The following KCNH8 variants were observed in gnomAD, a reference collection of about 807,000 sequenced individuals.
The protein encoded by KCNH8 is voltage-gated delayed rectifier potassium channel KCNH8.
In KCNH8, 70 loss-of-function variants were observed where a neutral mutation model predicts 103.6. The observed-to-expected ratio is 0.68, with a 90% CI of 0.56 to 0.82. The LOEUF (loss-of-function observed/expected upper bound fraction) is 0.82, where lower values mean the gene tolerates loss of function less well. Among genes scored for constraint, KCNH8 ranks in the 40% least tolerant of loss-of-function variants. The probability of loss-of-function intolerance (pLI) is 0.00; values close to 1 mark genes in which losing one functional copy is unlikely to be tolerated. For synonymous variants in KCNH8, 498 were observed against 489.4 expected (o/e 1.02, Z -0.23); for missense variants, 1,217 against 1,329.9 (o/e 0.92, Z 1.32).
In KCNH8 at chr3:19,347,950, A is replaced by T. The variant is rs760291489; in HGVS notation, c.796A>T (p.Ile266Phe). 3.7e-6 allele frequency: 6 copies of T among 1,612,664 alleles called. No homozygotes were observed. The highest frequency in any genetic ancestry group is 2.5e-6 in the Non-Finnish European group (3 of 1,179,212). Residue 266 changes from isoleucine (I) to phenylalanine (F), a missense_variant, in exon 5 of 16, where the codon ATT becomes TTT. Transcript: ENST00000328405. The stretch of plus-strand genomic sequence containing the variant: ...AACCGTCAGTGACATTGCAGTGGAG[A>T]TTCTTTTTATTATAGGTAAGAACAA... ...STTVSDIAVEILFIIDIILNF... is the reference protein window; with the variant it reads ...STTVSDIAVEFLFIIDIILNF...
At chr3:19,194,393 G>A (rs111311996) in intron 1 of KCNH8, among the ~76,000 whole-genome samples, 3,685 of 151,748 alleles carry the variant, frequency 0.024, 142 homozygotes, top group African/African-American at 0.083. Flanking sequence ...ATCACAAGTT[G>A]TATGAATTAT....
At chr3:19,523,960 G>A (rs2069017299) in intron 15 of KCNH8, among the ~76,000 whole-genome samples, 1 of 151,838 alleles carries the variant, frequency 6.6e-6, no homozygotes, top group East Asian at 1.9e-4. Context: ...ACTTGACAAA[G>A]CTAATAGATT....
chr3:19,186,846 A>G (rs2063507187), intron 1 of KCNH8, among the ~76,000 whole-genome samples: 1 of 151,976 alleles, frequency 6.6e-6, no homozygotes, highest in Non-Finnish European at 1.5e-5. Flanking sequence ...TTTTCAATGG[A>G]GACACCCAGT....
At chr3:19,380,212 A>G (rs1469585772) in intron 5 of KCNH8, among the ~76,000 whole-genome samples, 3 of 152,214 alleles carry the variant, frequency 2.0e-5, no homozygotes, top group Non-Finnish European at 4.4e-5. Flanking sequence ...ATTATATAGA[A>G]TAAGAGGATA....
rs536719186 is a variant in KCNH8 at position 19,361,670 on chromosome 3, TAAAC to T, written c.811+13709_811+13712del. Among the ~76,000 whole-genome samples the T allele has an allele frequency of 2.5e-3, 388 of 152,234 alleles. 3 individuals are homozygous for T. Among genetic ancestry groups the T allele is most frequent in the African/African-American group, 8.7e-3 (361 of 41,562 alleles). On this transcript the variant is annotated intron_variant, in intron 5 of 15. Transcript: ENST00000328405. ...ACATATTTGCAAATGGAGTAAAAAT[TAAAC>T]AAATGAGCAGAATTCCCATTGGTGC... is the stretch of plus-strand genomic sequence containing the variant.
At chr3:19,256,518 C>T (rs1419714306) in intron 2 of KCNH8, among the ~76,000 whole-genome samples, 4 of 152,182 alleles carry the variant, frequency 2.6e-5, no homozygotes, top group South Asian at 4.1e-4. Context: ...TCCGGTGGAA[C>T]GAAGGGGAAA....
intron 2 of KCNH8, among the ~76,000 whole-genome samples, chr3:19,278,019 G>A (rs2064699513): frequency 6.6e-6 from 1 of 152,100 alleles, no homozygotes; most frequent in African/African-American, 2.4e-5. Flanking sequence ...GTTGCACTGG[G>A]CCTGAATTGC....
At chr3:19,249,443 A>G (rs1436301313) in intron 1 of KCNH8, among the ~76,000 whole-genome samples, 1 of 152,218 alleles carries the variant, frequency 6.6e-6, no homozygotes, top group Admixed American at 6.5e-5. Context: ...AGAAAAGACC[A>G]AATACGTGCC....
chr3:19,465,580 T>C (rs1047287730), intron 11 of KCNH8, among the ~76,000 whole-genome samples: 1 of 152,058 alleles, frequency 6.6e-6, no homozygotes, highest in Non-Finnish European at 1.5e-5. Flanking sequence ...AGTCTTATTA[T>C]TGAAGAAATA....
intron 11 of KCNH8, among the ~76,000 whole-genome samples, chr3:19,486,990 C>T (rs1006085722): frequency 4.6e-5 from 7 of 152,176 alleles, no homozygotes; most frequent in African/African-American, 1.7e-4. Flanking sequence ...TGAAGTAGGA[C>T]ATCCGTACTT....
chr3:19,409,342 T>G (rs1361916996), intron 7 of KCNH8, among the ~76,000 whole-genome samples: 5 of 152,082 alleles, frequency 3.3e-5, no homozygotes, highest in African/African-American at 1.2e-4. Context: ...CCACTACACC[T>G]GCCTTACAAG....
At position 19,513,355 on chromosome 3, in the gene KCNH8, C is replaced by T. The variant is rs572710637; in HGVS notation, c.2435+30C>T. The stretch of plus-strand genomic sequence containing the variant: ...GAGTTCATATCATATAACTTTCTCA[C>T]GTGAACGTGGCTGCCTTTTATACAG... On this transcript the variant is annotated intron_variant, in intron 13 of 15. Transcript: ENST00000328405. The T allele has an allele frequency of 1.2e-4, 182 of 1,548,230 alleles. 3 individuals are homozygous for T. In the South Asian group the frequency reaches 2.2e-3, roughly 19 times the overall value.
intron 1 of KCNH8, among the ~76,000 whole-genome samples, chr3:19,237,789 G>A (rs116642554): frequency 0.026 from 3,892 of 152,200 alleles, 168 homozygotes; most frequent in African/African-American, 0.087. Context: ...TATATGCAGG[G>A]CACACATGTG....
intron 7 of KCNH8, among the ~76,000 whole-genome samples, chr3:19,405,250 A>G (rs1203535381): frequency 6.6e-6 from 1 of 151,852 alleles, no homozygotes; most frequent in Non-Finnish European, 1.5e-5. Context: ...TTTAAGTATT[A>G]TGCATTTTTG....
At chr3:19,272,493 G>A (rs1269387512) in intron 2 of KCNH8, among the ~76,000 whole-genome samples, 2 of 151,930 alleles carry the variant, frequency 1.3e-5, no homozygotes, top group Non-Finnish European at 2.9e-5. Flanking sequence ...AGTGAGGCAG[G>A]GTTGCTAAGA....
intron 3 of KCNH8, among the ~76,000 whole-genome samples, chr3:19,286,584 T>G (rs142721616): frequency 6.6e-6 from 1 of 152,220 alleles, no homozygotes; most frequent in Non-Finnish European, 1.5e-5. Flanking sequence ...TTGGTTCCAC[T>G]ACATCCTGAG....
At chr3:19,482,122 TG>T (rs1299546473) in intron 11 of KCNH8, among the ~76,000 whole-genome samples, 3 of 152,148 alleles carry the variant, frequency 2.0e-5, no homozygotes, top group African/African-American at 7.2e-5. Context: ...AGTACGTGAC[TG>T]GGGGCTGCAT....
Position 19,384,560 on chromosome 3 carries a change from CAATT to C in KCNH8, c.812-5920_812-5917del, listed in dbSNP as rs747852167. Among the ~76,000 whole-genome samples, 180 of 152,114 alleles carry C rather than the reference CAATT, an allele frequency of 1.2e-3. 2 individuals carry two copies. Among genetic ancestry groups the C allele is most frequent in the Middle Eastern group, 6.8e-3 (2 of 294 alleles). ...AATAAAAGGGTTTTTTTAACTGTGA[CAATT>C]TAATAAGGCTGCATTACTAGAAGTA... On this transcript the variant is annotated intron_variant, in intron 5 of 15. Coordinates refer to ENST00000328405, the MANE Select transcript of KCNH8 (RefSeq NM_144633.3).
At chr3:19,358,176 C>T (rs111755530) in intron 5 of KCNH8, among the ~76,000 whole-genome samples, 1 of 40,232 alleles carries the variant, frequency 2.5e-5, no homozygotes, top group Middle Eastern at 0.016. Context: ...TCCTTTTCTT[C>T]CTTCCTTCCT....
Sources: allele counts gnomAD v4.1 joint callset (sites outside exome capture counted in the v4.1 genomes callset), GRCh38; gene constraint gnomAD v4.1.1; transcripts MANE v1.5; gene names NCBI Gene and HGNC (gene_info 2026-07-23, HGNC 2026-07-21).